The following XPO7 variants were observed in gnomAD, a reference collection of about 807,000 sequenced individuals.
The protein encoded by XPO7 is exportin 7.
XPO7 carries 21 observed loss-of-function variants against 144.3 expected under a neutral mutation model. The observed-to-expected ratio is 0.15, with a 90% CI of 0.10 to 0.21. The LOEUF (loss-of-function observed/expected upper bound fraction) is 0.21. Among genes scored for constraint, XPO7 ranks in the 10% least tolerant of loss-of-function variants. XPO7 has a pLI of 1.00. For synonymous variants in XPO7, 580 were observed against 499.6 expected (o/e 1.16, Z -2.15); for missense variants, 808 against 1,325.8 (o/e 0.61, Z 6.06).
At chr8:21,928,493 A>G (rs976278316) in intron 1 of XPO7, among the ~76,000 whole-genome samples, 2 of 152,192 alleles carry the variant, frequency 1.3e-5, no homozygotes, top group Admixed American at 6.5e-5. Flanking sequence ...TACATTTTTA[A>G]AGAAACTGTC....
At position 21,987,183 on chromosome 8, in the gene XPO7, G is replaced by A. The variant is rs1481230523; in HGVS notation, c.1620G>A (p.Gln540=). 1 of 1,614,014 alleles carries A rather than the reference G, an allele frequency of 6.2e-7. No homozygotes were observed. The highest frequency in any genetic ancestry group is 8.5e-7 in the Non-Finnish European group (1 of 1,179,882). ...ACCTAACAGATTCTCGTTTGGCCCA[G>A]GCGGGTAATGAGAAGCTAGAGTTGG... is the stretch of plus-strand genomic sequence containing the variant. ...LMNLTDSRLA[Q]AGNEKLELAM... The change falls in exon 14 of 28, where the codon CAG becomes CAA. Residue 540 remains glutamine (Q), a synonymous_variant. Transcript: ENST00000252512.
At chr8:21,943,451 CT>C (rs752591541) in intron 1 of XPO7, among the ~76,000 whole-genome samples, 10 of 152,110 alleles carry the variant, frequency 6.6e-5, no homozygotes, top group Non-Finnish European at 8.8e-5. Context: ...CCCTTTTATT[CT>C]TTGGATTACT....
In XPO7 at chr8:21,977,397, G is replaced by A. The variant is rs1339953710; in HGVS notation, c.764-373G>A. Among the ~76,000 whole-genome samples, 3 of 151,938 alleles carry A rather than the reference G, an allele frequency of 2.0e-5. No individual in the cohort carries two copies. In the East Asian group the frequency reaches 5.8e-4, roughly 29 times the overall value. On this transcript the variant is annotated intron_variant, in intron 7 of 27. Coordinates refer to ENST00000252512, the MANE Select transcript of XPO7 (RefSeq NM_015024.5). ...AGTTCAAGACCAGCCTGGCGAACATGGTGAAACCCCGTCTCTACTAAAAAT... is the reference window on the plus strand; with the variant it reads ...AGTTCAAGACCAGCCTGGCGAACATAGTGAAACCCCGTCTCTACTAAAAAT...
intron 1 of XPO7, among the ~76,000 whole-genome samples, chr8:21,956,123 G>A (rs768880765): frequency 4.6e-5 from 7 of 152,166 alleles, no homozygotes; most frequent in African/African-American, 1.4e-4. Context: ...ATAGATTTTT[G>A]TGGCCTTACA....
chr8:21,936,009 C>G (rs1585420803), intron 1 of XPO7, among the ~76,000 whole-genome samples: 1 of 151,616 alleles, frequency 6.6e-6, no homozygotes, highest in African/African-American at 2.4e-5. Context: ...CTTTTTTGCC[C>G]CAATTGCTAC....
At position 21,976,381 on chromosome 8, in the gene XPO7, A is replaced by G. The variant is rs776366519; in HGVS notation, c.623A>G (p.Asn208Ser). 7 of 1,613,924 alleles carry G rather than the reference A, an allele frequency of 4.3e-6. No homozygotes were observed. Among genetic ancestry groups the G allele is most frequent in the Non-Finnish European group, 5.9e-6 (7 of 1,179,840 alleles). The change falls in exon 7 of 28, where the codon AAT becomes AGT. Residue 208 changes from asparagine to serine, a missense_variant. Around this residue, in one of 5 missense-constraint regions of XPO7, gnomAD observed 223 missense variants for 368.8 expected, o/e 0.60. Coordinates refer to ENST00000252512, the MANE Select transcript of XPO7 (RefSeq NM_015024.5). ...KQASGKNLNL[N>S]DESQHGLLMQ... ...GCTTCAGGAAAGAATCTAAACTTGA[A>G]TGATGAAAGTCAGCATGGCTTGCTC...
Position 22,003,248 on chromosome 8 carries a change from C to T in XPO7, c.2973C>T (p.Ile991=), listed in dbSNP as rs751566016. The stretch of plus-strand genomic sequence containing the variant: ...TGTCCACGGTGCTGAACATCATCAT[C>T]TTTGAAGACTGTAGGAACCAGTGGT... The part of the protein sequence containing the change: ...QMLSTVLNII[I]FEDCRNQWSM... The change falls in exon 26 of 28, where the codon ATC becomes ATT. Residue 991 remains isoleucine (I), a synonymous_variant. Transcript: ENST00000252512. 6.2e-7 allele frequency: 1 copy of T among 1,613,166 alleles called. No homozygotes were observed. The highest frequency in any genetic ancestry group is 8.5e-7 in the Non-Finnish European group (1 of 1,179,586).
intron 1 of XPO7, among the ~76,000 whole-genome samples, chr8:21,938,856 T>A (rs1373885014): frequency 6.6e-6 from 1 of 152,194 alleles, no homozygotes; most frequent in Non-Finnish European, 1.5e-5. Context: ...TTATTTATGA[T>A]TCTTGAGTTT....
chr8:21,969,278 C>T (rs1419400856), intron 2 of XPO7, among the ~76,000 whole-genome samples: 2 of 151,352 alleles, frequency 1.3e-5, no homozygotes, highest in Admixed American at 6.6e-5. Context: ...TTATCTTCCC[C>T]GTTGTTCATT....
At chr8:21,931,873 CTTTAT>C (rs1484296573) in intron 1 of XPO7, among the ~76,000 whole-genome samples, 1 of 151,768 alleles carries the variant, frequency 6.6e-6, no homozygotes, top group African/African-American at 2.4e-5. Flanking sequence ...TAGAAGATTA[CTTTAT>C]TTATTTATTT....
chr8:21,990,344 G>T lies in XPO7; in HGVS notation c.1869G>T (p.Gly623=), dbSNP rs56062629. 7 of 1,613,174 alleles carry T rather than the reference G, an allele frequency of 4.3e-6. No homozygotes were observed. The highest frequency in any genetic ancestry group is 5.9e-6 in the Non-Finnish European group (7 of 1,179,424). Residue 623 remains glycine, a splice_region_variant and synonymous_variant, in exon 17 of 28, where the codon GGG becomes GGT. Coordinates refer to ENST00000252512, the MANE Select transcript of XPO7 (RefSeq NM_015024.5). The stretch of plus-strand genomic sequence containing the variant: ...CTTGACCTTCTTCCTTTGTCTTCAC[G>T]TACAGTAGCGTAAGGAAGCTAGTGA... The part of the protein sequence containing the change: ...TLQLLNDLSI[G]YSSVRKLVKL...
chr8:21,993,780 C>G (rs1231671422), intron 19 of XPO7, among the ~76,000 whole-genome samples: 1 of 151,860 alleles, frequency 6.6e-6, no homozygotes, highest in Non-Finnish European at 1.5e-5. Flanking sequence ...TGTAGACTCC[C>G]CTTTGTCTTC....
At chr8:21,939,198 A>G (rs1563313207) in intron 1 of XPO7, among the ~76,000 whole-genome samples, 1 of 150,126 alleles carries the variant, frequency 6.7e-6, no homozygotes. Context: ...TCAAGCAATA[A>G]TTTGGTTTTG....
At position 22,006,342 on chromosome 8, in the gene XPO7, T is replaced by G. The variant is rs1375168436; in HGVS notation, c.*1254T>G. 2 of 152,236 alleles carry G rather than the reference T, an allele frequency of 1.3e-5. No homozygotes were observed. Among genetic ancestry groups the G allele is most frequent in the Non-Finnish European group, 2.9e-5 (2 of 68,040 alleles). The allele number at this position is 152,236 out of a possible 1,614,324, so 9.4% of individuals were successfully genotyped here. On this transcript the variant is annotated 3_prime_UTR_variant, in exon 28 of 28. Transcript: ENST00000252512. The stretch of plus-strand genomic sequence containing the variant: ...TTGCCTTGTACTTTTTCCACAATTG[T>G]TGCTGCTAGTTGTACACATCTCTAG...
intron 1 of XPO7, among the ~76,000 whole-genome samples, chr8:21,926,939 A>G (rs888192021): frequency 6.6e-6 from 1 of 152,250 alleles, no homozygotes; most frequent in African/African-American, 2.4e-5. Flanking sequence ...AATTTTAAAG[A>G]TTAAATAAAA....
chr8:21,999,302 C>T lies in XPO7; in HGVS notation c.2640C>T (p.Leu880=). The T allele has an allele frequency of 6.2e-7, 1 of 1,612,660 alleles. No individual in the cohort carries two copies. The highest frequency in any genetic ancestry group is 8.5e-7 in the Non-Finnish European group (1 of 1,179,862). ...TCCTCTCTATTCCTCACAGTGATCTCTTGGTAAGCCTTACGCTGCATTGCC... is the reference window on the plus strand; with the variant it reads ...TCCTCTCTATTCCTCACAGTGATCTTTTGGTAAGCCTTACGCTGCATTGCC... ...KLLLSIPHSD[L]LDYPKLSQSY... The change falls in exon 23 of 28, where the codon CTC becomes CTT. Residue 880 remains leucine, a synonymous_variant. Coordinates refer to ENST00000252512, the MANE Select transcript of XPO7 (RefSeq NM_015024.5).
At chr8:21,967,785 A>G (rs1339267637) in intron 2 of XPO7, among the ~76,000 whole-genome samples, 1 of 152,244 alleles carries the variant, frequency 6.6e-6, no homozygotes, top group Admixed American at 6.5e-5. Context: ...AGGATTTTAA[A>G]TGGAATTAGA....
intron 1 of XPO7, among the ~76,000 whole-genome samples, chr8:21,951,367 C>T (rs938122572): frequency 2.0e-4 from 31 of 151,942 alleles, no homozygotes; most frequent in Non-Finnish European, 4.4e-5. Context: ...CATCCTTACT[C>T]TTCTCTGTTT....
At chr8:21,993,601 G>T (rs989611785) in intron 19 of XPO7, among the ~76,000 whole-genome samples, 11 of 152,108 alleles carry the variant, frequency 7.2e-5, no homozygotes, top group African/African-American at 1.2e-4. Context: ...TATTGGATTT[G>T]GAGTCTTGGT....
Sources: gnomAD v4.1 joint callset for allele counts (sites outside exome capture counted in the v4.1 genomes callset) on GRCh38, gnomAD v4.1.1 for gene constraint, gnomAD v4.1.1 regional missense constraint, MANE v1.5 for transcripts, NCBI Gene and HGNC (gene_info 2026-07-23, HGNC 2026-07-21) for gene names.